The following DPEP2 variants were observed in gnomAD, a reference collection of about 807,000 sequenced individuals.
DPEP2 encodes dipeptidase 2.
DPEP2 carries 45 observed loss-of-function variants against 51.8 expected under a neutral mutation model. The ratio of observed to expected loss-of-function variants is 0.87; its 90% CI spans 0.68 to 1.11. The LOEUF (loss-of-function observed/expected upper bound fraction) is 1.11. DPEP2 is among the 50% of genes most tolerant of loss of function. DPEP2 has a pLI of 0.00. For missense variants in DPEP2, 604 were observed against 631.9 expected (o/e 0.96, Z 0.47); for synonymous variants, 255 against 262.7 (o/e 0.97, Z 0.28).
intron 9 of DPEP2, among the ~76,000 whole-genome samples, chr16:67,988,284 C>A (rs937226105): frequency 4.6e-5 from 7 of 152,138 alleles, no homozygotes; most frequent in Admixed American, 3.9e-4. Context: ...GTGGCTCACA[C>A]CTGTAATCCC....
At chr16:67,989,600 G>C (rs1045041887) in intron 8 of DPEP2, among the ~76,000 whole-genome samples, 1 of 152,206 alleles carries the variant, frequency 6.6e-6, no homozygotes, top group Non-Finnish European at 1.5e-5. Context: ...CTGGATTTCA[G>C]GTTTGGAGTG....
chr16:68,000,512 A>G, upstream of DPEP2: 2 of 984,950 alleles, frequency 2.0e-6, no homozygotes, highest in Non-Finnish European at 2.4e-6. Context: ...CTGGAGACTC[A>G]TGCTTCCCTT....
chr16:67,994,735 G>T, intron 1 of DPEP2: 2 of 981,808 alleles, frequency 2.0e-6, no homozygotes, highest in Non-Finnish European at 2.4e-6. Context: ...CTTCCAAAGG[G>T]ACTGGAGGTC....
At chr16:67,996,678 G>T (rs757208147) in intron 1 of DPEP2, among the ~76,000 whole-genome samples, 4 of 151,888 alleles carry the variant, frequency 2.6e-5, no homozygotes, top group Non-Finnish European at 5.9e-5. Flanking sequence ...GACCGCACTC[G>T]GCCAACTTTT....
intron 7 of DPEP2, 68 bp downstream of exon 7, chr16:67,990,753 C>G: frequency 1.9e-6 from 3 of 1,540,334 alleles, no homozygotes; most frequent in Non-Finnish European, 2.6e-6. Flanking sequence ...TGTGAGCCAC[C>G]ATGCCTGGCC....
At position 67,996,992 on chromosome 16, in the gene DPEP2, G is replaced by A. The variant is rs944622739; in HGVS notation, c.-46+2383C>T. ...GCAAGACCCTGTCTGTAAAAAAATAGATAATGATATTATTATTATTATTAT... is the reference window on the plus strand; with the variant it reads ...GCAAGACCCTGTCTGTAAAAAAATAAATAATGATATTATTATTATTATTAT... On this transcript the variant is annotated intron_variant, in intron 1 of 10. Coordinates refer to ENST00000393847, the MANE Select transcript of DPEP2 (RefSeq NM_022355.4). Among the ~76,000 whole-genome samples, 3 of 140,072 alleles carry A rather than the reference G, an allele frequency of 2.1e-5. No homozygotes were observed. The South Asian group carries it at 6.8e-4, about 32-fold the overall frequency. The allele number at this position is 140,072 out of a possible 152,430, so 91.9% of individuals were successfully genotyped here.
chr16:67,987,943 A>C lies in DPEP2; in HGVS notation c.1115T>G (p.Ile372Arg), dbSNP rs956903082. 15 of 1,614,010 alleles carry C rather than the reference A, an allele frequency of 9.3e-6. No individual in the cohort carries two copies. The highest frequency in any genetic ancestry group is 8.3e-5 in the Admixed American group (5 of 59,990). The change falls in exon 10 of 11, where the codon ATA becomes AGA. Residue 372 changes from isoleucine to arginine, a missense_variant. Coordinates refer to ENST00000393847, the MANE Select transcript of DPEP2 (RefSeq NM_022355.4). ...CCAGCCACGACTCAGCAACTCCTCT[A>C]TCAGGACCGGGTATGTGGACACGTC... ...LEDVSTYPVL[I>R]EELLSRGWSE...
chr16:67,993,167 GC>G lies in DPEP2; in HGVS notation c.45del (p.Trp15CysfsTer4), dbSNP rs2032403861. On this transcript the variant is annotated frameshift_variant, in exon 2 of 11. Transcript: ENST00000393847. LOFTEE classifies it high-confidence loss of function. ...GLEGPGTFGR[W>X]PLLSLLLLLL... Reference sequence around the variant, plus strand: ...AGCAGGAGCAGCAGACTCAGCAGAGGCCACCGACCAAACGTGCCGGGACCCT... The same window carrying G: ...AGCAGGAGCAGCAGACTCAGCAGAGGCACCGACCAAACGTGCCGGGACCCT... 6.6e-7 allele frequency: 1 copy of G among 1,511,588 alleles called. No individual in the cohort carries two copies. The highest frequency in any genetic ancestry group is 1.4e-5 in the African/African-American group (1 of 71,978). 93.6% of individuals were successfully genotyped at this position (1,511,588 alleles called of 1,614,324 possible).
intron 1 of DPEP2, among the ~76,000 whole-genome samples, chr16:67,997,432 C>CT (rs1791377479): frequency 1.3e-5 from 2 of 152,104 alleles, no homozygotes; most frequent in African/African-American, 4.8e-5. Flanking sequence ...TCTCGGCTCA[C>CT]TGCAAGCTCC....
chr16:67,988,140 G>C, intron 9 of DPEP2, 153 bp from the exon 10 acceptor site: 1 of 893,750 alleles, frequency 1.1e-6, no homozygotes, highest in Admixed American at 2.8e-5. Context: ...TTATCCTTCA[G>C]AAGGAGGCCT....
Position 67,994,595 on chromosome 16 carries a change from C to G in DPEP2, c.-45-1338G>C, listed in dbSNP as rs1454450709. ...CAAGACTCTGCTCTGAACCTTGGCACCCCTGGAACCGCTTCATTTTTTGGA... is the reference window on the plus strand; with the variant it reads ...CAAGACTCTGCTCTGAACCTTGGCAGCCCTGGAACCGCTTCATTTTTTGGA... On this transcript the variant is annotated intron_variant, in intron 1 of 10. Transcript: ENST00000393847. The G allele has an allele frequency of 3.0e-6, 3 of 985,262 alleles. No individual in the cohort carries two copies. In the African/African-American group the frequency reaches 5.2e-5, roughly 17 times the overall value. The allele number at this position is 985,262 out of a possible 1,614,324, so 61.0% of individuals were successfully genotyped here. A position where few individuals can be genotyped will look rare whatever the true frequency, so the allele number is the denominator to read the frequency against.
rs181288789 is a variant in DPEP2, at chr16:67,987,889, C to T, written c.1169G>A (p.Arg390His). 1.9e-5 allele frequency: 31 copies of T among 1,614,166 alleles called. No individual in the cohort carries two copies. Among genetic ancestry groups the T allele is most frequent in the South Asian group, 5.5e-5 (5 of 91,084 alleles). ...TCTGAAGACCCGCAGCAGGTTTCCA[C>T]GAAGGACACCCTGAAGCTCTTCCTC... is the stretch of plus-strand genomic sequence containing the variant. ...WSEEELQGVL[R>H]GNLLRVFRQV... The change falls in exon 10 of 11, where the codon CGT becomes CAT. Residue 390 changes from arginine to histidine, a missense_variant. Coordinates refer to ENST00000393847, the MANE Select transcript of DPEP2 (RefSeq NM_022355.4).
At chr16:67,994,624 T>G (rs1233604705) in intron 1 of DPEP2, 1 of 984,314 alleles carries the variant, frequency 1.0e-6, no homozygotes, top group African/African-American at 1.7e-5. Context: ...TTTTGGAGCC[T>G]CCCCCACGTG....
intron 9 of DPEP2, 21 bp from the exon 10 acceptor site, chr16:67,988,008 G>A (rs747786284): frequency 1.2e-5 from 19 of 1,613,920 alleles, no homozygotes; most frequent in Non-Finnish European, 1.4e-5. Flanking sequence ...ACCAGCTAGT[G>A]GGTTTCAGAC....
At position 67,998,609 on chromosome 16, in the gene DPEP2, C is replaced by T. The variant is rs558328282; in HGVS notation, c.-46+766G>A. ...AGGGCTGAGGAGTGCGGGCGCATGG[C>T]GCAGGACTGGCAGGCAGCTCCACCT... On this transcript the variant is annotated intron_variant, in intron 1 of 10. Transcript: ENST00000393847. Among the ~76,000 whole-genome samples the T allele has an allele frequency of 6.0e-3, 921 of 152,364 alleles. 5 individuals carry two copies. The highest frequency in any genetic ancestry group is 0.021 in the African/African-American group (858 of 41,590).
rs1023404475 is a variant in DPEP2, at chr16:67,987,564, TG to T, written c.1402del (p.His468ThrfsTer51). On this transcript the variant is annotated frameshift_variant, in exon 11 of 11. Transcript: ENST00000393847. LOFTEE classifies it high-confidence loss of function. ...CACAACTGCAAGGACTGGGGCCATG[TG>T]GGGGGAGGACTCTGAGACTGACCAC... is the stretch of plus-strand genomic sequence containing the variant. ...AKWSVSESSP[H>X]MAPVLAVVAT... is the part of the protein sequence containing the mutation. 4.3e-6 allele frequency: 7 copies of T among 1,613,944 alleles called. No individual in the cohort carries two copies. Among genetic ancestry groups the T allele is most frequent in the Non-Finnish European group, 5.9e-6 (7 of 1,180,006 alleles).
At chr16:67,989,237 G>C in intron 9 of DPEP2, 86 bp downstream of exon 9, 1 of 1,432,598 alleles carries the variant, frequency 7.0e-7, no homozygotes, top group African/African-American at 1.4e-5. Context: ...TGTGGTCAAG[G>C]CCTAAAGGAC....
intron 1 of DPEP2, among the ~76,000 whole-genome samples, chr16:67,999,098 T>C (rs1463686965): frequency 6.6e-6 from 1 of 152,200 alleles, no homozygotes; most frequent in Non-Finnish European, 1.5e-5. Flanking sequence ...TCTTTTGCTC[T>C]TTGCAGTAAA....
At chr16:67,993,789 T>C (rs2032482521) in intron 1 of DPEP2, 6 of 985,624 alleles carry the variant, frequency 6.1e-6, no homozygotes, top group Non-Finnish European at 7.2e-6. Flanking sequence ...GGGGAGAAGA[T>C]AGGCTCTGGA....
Sources: allele counts gnomAD v4.1 joint callset (sites outside exome capture counted in the v4.1 genomes callset), GRCh38; gene constraint gnomAD v4.1.1; transcripts MANE v1.5; gene names NCBI Gene and HGNC (gene_info 2026-07-23, HGNC 2026-07-21).